Variants in XAB2 observed in about 807,000 individuals in gnomAD.
XAB2 encodes the protein pre-mRNA-splicing factor SYF1.
XAB2 carries 57 observed loss-of-function variants against 113.4 expected under a neutral mutation model. The observed-to-expected ratio is 0.50, with a 90% CI of 0.41 to 0.63. The LOEUF (loss-of-function observed/expected upper bound fraction) is 0.63. Ranked by LOEUF, XAB2 falls within the 20% of genes least tolerant of loss-of-function variation. The pLI is 0.00. For synonymous variants in XAB2, 497 were observed against 498.8 expected (o/e 1.00, Z 0.05); for missense variants, 1,037 against 1,233.3 (o/e 0.84, Z 2.38).
At position 7,624,358 on chromosome 19, in the gene XAB2, C is replaced by T; in HGVS notation, c.910G>A (p.Glu304Lys). The T allele has an allele frequency of 6.2e-7, 1 of 1,614,186 alleles. No individual in the cohort carries two copies. Among genetic ancestry groups the T allele is most frequent in the Non-Finnish European group, 8.5e-7 (1 of 1,180,030 alleles). Residue 304 changes from glutamate (E) to lysine (K), a missense_variant, in exon 7 of 19, where the codon GAG (glutamate) becomes AAG (lysine). Coordinates refer to ENST00000358368, the MANE Select transcript of XAB2 (RefSeq NM_020196.3). This position sits in a 1 kb window ranked among gnomAD's most constrained non-coding sequence, Gnocchi z 4.2. ...TCCATCTTTGCAGCGATCATGCTCT[C>T]CTCGAACTGGGCGTAGCTGTCAAAC... ...QVFDSYAQFE[E>K]SMIAAKMETA...
Position 7,620,828 on chromosome 19 carries a change from GC to G in XAB2, c.1971+17del. ...CTCAGGGACCTCTGGCCCCGGCCCA[GC>G]CCCCCACGGTGGGTACCTCAATGGC... On this transcript the variant is annotated intron_variant, in intron 14 of 18. Transcript: ENST00000358368. The G allele has an allele frequency of 5.1e-6, 8 of 1,568,508 alleles. No homozygotes were observed. The highest frequency in any genetic ancestry group is 6.9e-6 in the Non-Finnish European group (8 of 1,154,854).
Position 7,627,216 on chromosome 19 carries a change from G to T in XAB2, c.522+27C>A. 1 of 1,607,236 alleles carries T rather than the reference G, an allele frequency of 6.2e-7. No homozygotes were observed. Among genetic ancestry groups the T allele is most frequent in the Non-Finnish European group, 8.5e-7 (1 of 1,179,094 alleles). ...GAGGCCGTTTCTGGAAACTAACCTG[G>T]GGAACCAGCGCACCTGCTAGGCTCA... is the stretch of plus-strand genomic sequence containing the variant. On this transcript the variant is annotated intron_variant, in intron 4 of 18. Transcript: ENST00000358368. This position sits in a 1 kb window ranked among gnomAD's most constrained non-coding sequence, Gnocchi z 4.5.
In XAB2 at chr19:7,624,194, GC is replaced by G; in HGVS notation, c.967+106del. 1.9e-6 allele frequency: 3 copies of G among 1,545,878 alleles called. No individual in the cohort carries two copies. The highest frequency in any genetic ancestry group is 1.8e-6 in the Non-Finnish European group (2 of 1,140,660). ...ATCCACTCAGCCTCCTTCCCTGCTG[GC>G]CCCCAGCTGAGCCTCCCAGGGCTGC... On this transcript the variant is annotated intron_variant, in intron 7 of 18. Transcript: ENST00000358368. The surrounding 1 kb of genome is among the most constrained non-coding windows in gnomAD (Gnocchi z 4.2).
chr19:7,624,538 G>A lies in XAB2; in HGVS notation c.823-93C>T. On this transcript the variant is annotated intron_variant, in intron 6 of 18. Coordinates refer to ENST00000358368, the MANE Select transcript of XAB2 (RefSeq NM_020196.3). The surrounding 1 kb of genome is among the most constrained non-coding windows in gnomAD (Gnocchi z 4.2). ...CACCAGCCTCAATGTGGAACCCCTGGGGGCCTTCTGGGTAGTGACGCATCC... is the reference window on the plus strand; with the variant it reads ...CACCAGCCTCAATGTGGAACCCCTGAGGGCCTTCTGGGTAGTGACGCATCC... The A allele has an allele frequency of 6.3e-7, 1 of 1,575,272 alleles. No individual in the cohort carries two copies. Among genetic ancestry groups the A allele is most frequent in the Non-Finnish European group, 8.6e-7 (1 of 1,161,050 alleles).
At chr19:7,619,877 C>T (rs1213697538) in intron 17 of XAB2, 21 bp from the exon 18 acceptor site, 1 of 1,610,704 alleles carries the variant, frequency 6.2e-7, no homozygotes, top group Non-Finnish European at 8.5e-7. Flanking sequence ...GCCATGCTGC[C>T]TCAGTTCCCC....
intron 12 of XAB2, 100 bp downstream of exon 12, chr19:7,622,231 T>C: frequency 4.4e-6 from 5 of 1,125,322 alleles, no homozygotes; most frequent in Non-Finnish European, 4.0e-6. Context: ...CCAGTCTGTA[T>C]ACTGTGTCAC....
Position 7,623,971 on chromosome 19 carries a change from C to T in XAB2, c.968-89G>A, listed in dbSNP as rs1197979392. 2 of 1,427,338 alleles carry T rather than the reference C, an allele frequency of 1.4e-6. No individual in the cohort carries two copies. Among genetic ancestry groups the T allele is most frequent in the African/African-American group, 2.9e-5 (2 of 70,136 alleles). The allele number at this position is 1,427,338 out of a possible 1,614,324, so 88.4% of individuals were successfully genotyped here. A position where few individuals can be genotyped will look rare whatever the true frequency, so the allele number is the denominator to read the frequency against. ...GCCTCCACTCCCCACCCTCACTCCG[C>T]TCCAGCCCCCAGCCAAGTGCTCTGG... is the stretch of plus-strand genomic sequence containing the variant. On this transcript the variant is annotated intron_variant, in intron 7 of 18. Transcript: ENST00000358368. The surrounding 1 kb of genome is among the most constrained non-coding windows in gnomAD (Gnocchi z 4.6).
rs2031069683 is a variant in XAB2 at position 7,623,081 on chromosome 19, T to C, written c.1239+89A>G. 3.2e-6 allele frequency: 5 copies of C among 1,579,626 alleles called. No individual in the cohort carries two copies. The highest frequency in any genetic ancestry group is 3.4e-5 in the Admixed American group (2 of 58,878). On this transcript the variant is annotated intron_variant, in intron 9 of 18. Coordinates refer to ENST00000358368, the MANE Select transcript of XAB2 (RefSeq NM_020196.3). This position sits in a 1 kb window ranked among gnomAD's most constrained non-coding sequence, Gnocchi z 4.6. ...ATGCACACACACGTGCACACATCCA[T>C]GCACAAATATGTACACACACATACA...
Position 7,623,988 on chromosome 19 carries a change from G to C in XAB2, c.968-106C>G. The C allele has an allele frequency of 7.3e-7, 1 of 1,366,762 alleles. No individual in the cohort carries two copies. The highest frequency in any genetic ancestry group is 2.5e-5 in the East Asian group (1 of 39,842). The allele number at this position is 1,366,762 out of a possible 1,614,324, so 84.7% of individuals were successfully genotyped here. On this transcript the variant is annotated intron_variant, in intron 7 of 18. Transcript: ENST00000358368. The surrounding 1 kb of genome is among the most constrained non-coding windows in gnomAD (Gnocchi z 4.6). ...TCACTCCGCTCCAGCCCCCAGCCAA[G>C]TGCTCTGGGCCCTAGACACTCAGCT...
At chr19:7,626,955 T>C (rs938971648) in intron 4 of XAB2, among the ~76,000 whole-genome samples, 2 of 152,216 alleles carry the variant, frequency 1.3e-5, no homozygotes, top group African/African-American at 4.8e-5. Context: ...GTTCATGCCA[T>C]CAGCTCATAT....
Position 7,625,885 on chromosome 19 carries a change from C to T in XAB2, c.817G>A (p.Glu273Lys), listed in dbSNP as rs1051386909. The T allele has an allele frequency of 3.1e-6, 5 of 1,603,070 alleles. No homozygotes were observed. Among genetic ancestry groups the T allele is most frequent in the Admixed American group, 1.7e-5 (1 of 59,186 alleles). The change falls in exon 6 of 19, where the codon GAG becomes AAG. Residue 273 changes from glutamate to lysine, a missense_variant. Physicochemically the swap from Glu to Lys is moderately conservative, Grantham distance 56. Transcript: ENST00000358368. This position sits in a 1 kb window ranked among gnomAD's most constrained non-coding sequence, Gnocchi z 5.2. ...CCCCGTGTGCCAGCATGCACCTTCT[C>T]GAAATGGCCGCTGCGGATGTAGTAG... is the stretch of plus-strand genomic sequence containing the variant. ...ADYYIRSGHF[E>K]KARDVYEEAI... is the part of the protein sequence containing the mutation.
In XAB2 at chr19:7,628,042, T is replaced by G. The variant is rs1310644740; in HGVS notation, c.200+108A>C. On this transcript the variant is annotated intron_variant, in intron 2 of 18. Coordinates refer to ENST00000358368, the MANE Select transcript of XAB2 (RefSeq NM_020196.3). This position sits in a 1 kb window ranked among gnomAD's most constrained non-coding sequence, Gnocchi z 4.6. The stretch of plus-strand genomic sequence containing the variant: ...CATCAAGGGATGTACAGGTCAGTGA[T>G]GAAACACGAAGCAATCACCCGGGAC... 1 of 1,489,470 alleles carries G rather than the reference T, an allele frequency of 6.7e-7. No homozygotes were observed. The highest frequency in any genetic ancestry group is 9.0e-7 in the Non-Finnish European group (1 of 1,106,032). 92.3% of individuals were successfully genotyped at this position (1,489,470 alleles called of 1,614,324 possible).
rs752344897 is a variant in XAB2, at chr19:7,629,544, G to C, written c.-17C>G. Reference sequence around the variant, plus strand: ...CACCACCATTTTTCTGGATGCCCAGGTACAGGAGAGAGTCGCGCGCTTATG... The same window carrying C: ...CACCACCATTTTTCTGGATGCCCAGCTACAGGAGAGAGTCGCGCGCTTATG... On this transcript the variant is annotated 5_prime_UTR_variant, in exon 1 of 19. Transcript: ENST00000358368. 28 of 1,599,504 alleles carry C rather than the reference G, an allele frequency of 1.8e-5. No homozygotes were observed. In the South Asian group the frequency reaches 1.8e-4, roughly 10 times the overall value.
intron 16 of XAB2, 97 bp downstream of exon 16, chr19:7,620,178 T>C (rs544624364): frequency 2.5e-5 from 40 of 1,595,078 alleles, no homozygotes; most frequent in Middle Eastern, 2.1e-4. Flanking sequence ...CTCAAGGAGA[T>C]TGCCATCAGG....
chr19:7,620,526 C>T (rs777979258), intron 15 of XAB2, 21 bp downstream of exon 15: 8 of 1,612,824 alleles, frequency 5.0e-6, no homozygotes, highest in Admixed American at 1.7e-5. Context: ...CCCTGATACC[C>T]GTCCCTCCCC....
rs768960130 is a variant in XAB2 at position 7,625,875 on chromosome 19, T to C, written c.822+5A>G. On this transcript the variant is annotated splice_donor_5th_base_variant and intron_variant, in intron 6 of 18. Coordinates refer to ENST00000358368, the MANE Select transcript of XAB2 (RefSeq NM_020196.3). This position sits in a 1 kb window ranked among gnomAD's most constrained non-coding sequence, Gnocchi z 5.2. ...GAACCCAGAGCCCCGTGTGCCAGCA[T>C]GCACCTTCTCGAAATGGCCGCTGCG... 1 of 1,600,516 alleles carries C rather than the reference T, an allele frequency of 6.2e-7. No individual in the cohort carries two copies. The highest frequency in any genetic ancestry group is 8.5e-7 in the Non-Finnish European group (1 of 1,170,774).
At chr19:7,621,080 C>T in intron 13 of XAB2, 44 bp from the exon 14 acceptor site, 2 of 1,540,320 alleles carry the variant, frequency 1.3e-6, no homozygotes, top group Non-Finnish European at 8.7e-7. Flanking sequence ...TCAGCCGGGG[C>T]CAGTCAGAAA....
intron 18 of XAB2, 23 bp from the exon 19 acceptor site, chr19:7,619,670 T>C: frequency 6.2e-7 from 1 of 1,603,600 alleles, no homozygotes; most frequent in Non-Finnish European, 8.5e-7. Context: ...CGGGAGCCAG[T>C]CACCCTCCTG....
chr19:7,624,189 T>C lies in XAB2; in HGVS notation c.967+112A>G. On this transcript the variant is annotated intron_variant, in intron 7 of 18. Transcript: ENST00000358368. This position sits in a 1 kb window ranked among gnomAD's most constrained non-coding sequence, Gnocchi z 4.2. ...CCTGCATCCACTCAGCCTCCTTCCC[T>C]GCTGGCCCCCAGCTGAGCCTCCCAG... The C allele has an allele frequency of 1.3e-6, 2 of 1,536,242 alleles. No homozygotes were observed. Among genetic ancestry groups the C allele is most frequent in the Admixed American group, 3.4e-5 (2 of 58,520 alleles).
Sources: gnomAD v4.1 joint callset for allele counts (sites outside exome capture counted in the v4.1 genomes callset) on GRCh38, gnomAD v4.1.1 for gene constraint, Gnocchi (gnomAD v3.1) non-coding constraint, MANE v1.5 for transcripts, NCBI Gene and HGNC (gene_info 2026-07-23, HGNC 2026-07-21) for gene names.